Variants in CRPPA observed in about 807,000 individuals in gnomAD.
CRPPA encodes D-ribitol-5-phosphate cytidylyltransferase.
In CRPPA, 43 loss-of-function variants were observed where a neutral mutation model predicts 52.0. The observed-to-expected ratio is 0.83, with a 90% CI of 0.65 to 1.07. CRPPA has a LOEUF of 1.07. CRPPA is among the 50% of genes least tolerant of loss of function. The pLI, the probability that CRPPA is intolerant of heterozygous loss-of-function variation, is 0.00. For missense variants in CRPPA, 629 were observed against 551.7 expected (o/e 1.14, Z -1.40); for synonymous variants, 250 against 203.5 (o/e 1.23, Z -1.94).
intron 9 of CRPPA, among the ~76,000 whole-genome samples, chr7:16,141,005 C>G (rs1782859183): frequency 1.3e-5 from 2 of 152,128 alleles, no homozygotes; most frequent in South Asian, 2.1e-4. Context: ...AGAACCTTGC[C>G]TAGAGTAAAC....
At chr7:16,232,064 A>G (rs1260559425) in intron 8 of CRPPA, among the ~76,000 whole-genome samples, 1 of 152,182 alleles carries the variant, frequency 6.6e-6, no homozygotes, top group Non-Finnish European at 1.5e-5. Flanking sequence ...AGAGAGCTCT[A>G]TAGAACATCA....
At chr7:16,108,060 CAAGAG>C (rs1300649034) in intron 9 of CRPPA, among the ~76,000 whole-genome samples, 2 of 151,772 alleles carry the variant, frequency 1.3e-5, no homozygotes, top group African/African-American at 2.4e-5. Context: ...CATTAAATCA[CAAGAG>C]AAGAAAAAAA....
chr7:16,391,852 T>C (rs1423114762), intron 2 of CRPPA, among the ~76,000 whole-genome samples: 1 of 152,172 alleles, frequency 6.6e-6, no homozygotes, highest in Non-Finnish European at 1.5e-5. Flanking sequence ...TTAGAGATAC[T>C]GATTAGGCCA....
rs2128421150 is a variant in CRPPA, at chr7:16,293,520, G to T, written c.835+7901C>A. 2.0e-5 allele frequency among the ~76,000 whole-genome samples: 3 copies of T among 152,028 alleles called. 1 individual carries two copies. In the South Asian group the frequency reaches 6.2e-4, roughly 32 times the overall value. ...GTTTCATCTGTAAAGGATACTCAAG[G>T]TTTGTCTGAACACCTTGCAATAGGA... On this transcript the variant is annotated intron_variant, in intron 5 of 9. Coordinates refer to ENST00000407010, the MANE Select transcript of CRPPA (RefSeq NM_001101426.4).
intron 3 of CRPPA, among the ~76,000 whole-genome samples, chr7:16,355,341 A>G (rs983371403): frequency 6.6e-6 from 1 of 152,142 alleles, no homozygotes; most frequent in African/African-American, 2.4e-5. Flanking sequence ...TTTCTTCTCC[A>G]TCATAATTTA....
chr7:16,218,022 T>G (rs1782379452), intron 8 of CRPPA, among the ~76,000 whole-genome samples: 1 of 150,648 alleles, frequency 6.6e-6, no homozygotes, highest in Non-Finnish European at 1.5e-5. Context: ...AAGGAAAAAA[T>G]GTTAAGGGCA....
chr7:16,143,607 G>A (rs1289993025), intron 9 of CRPPA, among the ~76,000 whole-genome samples: 1 of 152,128 alleles, frequency 6.6e-6, no homozygotes, highest in African/African-American at 2.4e-5. Context: ...TCTCTGACAG[G>A]GGAATGATGG....
intron 5 of CRPPA, among the ~76,000 whole-genome samples, chr7:16,300,115 T>C (rs1363975788): frequency 1.3e-5 from 2 of 152,212 alleles, no homozygotes; most frequent in African/African-American, 2.4e-5. Context: ...CTATAAATGG[T>C]CTGTTTACAT....
At chr7:16,411,759 T>G (rs909292796) in intron 1 of CRPPA, among the ~76,000 whole-genome samples, 1 of 152,192 alleles carries the variant, frequency 6.6e-6, no homozygotes, top group Non-Finnish European at 1.5e-5. Flanking sequence ...TGTTTATTAG[T>G]GTGACATGTT....
At chr7:16,144,102 A>C (rs1782925584) in intron 9 of CRPPA, among the ~76,000 whole-genome samples, 1 of 152,194 alleles carries the variant, frequency 6.6e-6, no homozygotes, top group Non-Finnish European at 1.5e-5. Context: ...CTTTAAGAAG[A>C]CAGGCTTATA....
At chr7:16,381,173 A>T (rs1053127558) in intron 2 of CRPPA, among the ~76,000 whole-genome samples, 1 of 152,236 alleles carries the variant, frequency 6.6e-6, no homozygotes, top group Admixed American at 6.5e-5. Flanking sequence ...TGAGTCCCAC[A>T]GATTCCGGTA....
At chr7:16,118,944 C>A (rs1186958019) in intron 9 of CRPPA, among the ~76,000 whole-genome samples, 2 of 152,112 alleles carry the variant, frequency 1.3e-5, no homozygotes, top group East Asian at 3.9e-4. Context: ...AAGGAGGGAA[C>A]CTGTGAAAAC....
intron 8 of CRPPA, among the ~76,000 whole-genome samples, chr7:16,222,323 T>C (rs1350421826): frequency 1.5e-4 from 21 of 141,126 alleles, no homozygotes; most frequent in Admixed American, 7.8e-4. Flanking sequence ...AGGGATAGCA[T>C]TGGGAGATAT....
intron 3 of CRPPA, among the ~76,000 whole-genome samples, chr7:16,348,341 CA>C (rs1403369622): frequency 5.3e-5 from 8 of 152,150 alleles, no homozygotes; most frequent in Admixed American, 5.2e-4. Flanking sequence ...CAGAAAAAAG[CA>C]GCAATTTTAT....
intron 3 of CRPPA, 81 bp downstream of exon 3, chr7:16,376,011 G>A (rs1053593095): frequency 9.6e-5 from 131 of 1,371,526 alleles, no homozygotes; most frequent in Non-Finnish European, 1.3e-4. Context: ...AGTCCCATCA[G>A]TTCTGGAAAT....
chr7:16,132,657 G>T (rs1293709277), intron 9 of CRPPA, among the ~76,000 whole-genome samples: 1 of 124,334 alleles, frequency 8.0e-6, no homozygotes, highest in African/African-American at 2.6e-5. Context: ...AACTGCATGG[G>T]TTTACTTACA....
chr7:16,272,585 T>A (rs1418653096), intron 6 of CRPPA, among the ~76,000 whole-genome samples: 1 of 152,160 alleles, frequency 6.6e-6, no homozygotes, highest in East Asian at 1.9e-4. Flanking sequence ...TTAGAATACG[T>A]TGCATTTTGT....
chr7:16,254,912 T>G (rs963387544), intron 8 of CRPPA, among the ~76,000 whole-genome samples: 2 of 152,060 alleles, frequency 1.3e-5, no homozygotes, highest in African/African-American at 4.8e-5. Flanking sequence ...ACCACTCCTA[T>G]TCAACATAGT....
At chr7:16,234,892 A>G (rs1782903163) in intron 8 of CRPPA, among the ~76,000 whole-genome samples, 2 of 152,118 alleles carry the variant, frequency 1.3e-5, no homozygotes, top group Non-Finnish European at 2.9e-5. Flanking sequence ...AAGGTGTTTC[A>G]GGTAGAAAGA....
Sources: allele counts gnomAD v4.1 joint callset (sites outside exome capture counted in the v4.1 genomes callset), GRCh38; gene constraint gnomAD v4.1.1; transcripts MANE v1.5; gene names NCBI Gene and HGNC (gene_info 2026-07-23, HGNC 2026-07-21).